HS3ST4: variants seen among roughly 807,000 people sequenced by gnomAD.
HS3ST4 encodes heparan sulfate glucosamine 3-O-sulfotransferase 4.
Under a neutral mutation model 29.2 loss-of-function variants are expected in HS3ST4, and 17 were observed. The observed-to-expected ratio is 0.58, with a 90% CI of 0.40 to 0.87. The LOEUF is 0.87. HS3ST4 is among the 40% of genes least tolerant of loss of function. The pLI, the probability that HS3ST4 is intolerant of heterozygous loss-of-function variation, is 0.00. For missense variants in HS3ST4, 627 were observed against 634.5 expected (o/e 0.99, Z 0.13); for synonymous variants, 314 against 285.7 (o/e 1.10, Z -1.00).
intron 1 of HS3ST4, among the ~76,000 whole-genome samples, chr16:25,854,370 G>A (rs1374645374): frequency 6.6e-6 from 1 of 152,192 alleles, no homozygotes; most frequent in Non-Finnish European, 1.5e-5. Context: ...GTGACTTTAA[G>A]CATGCTAATG....
intron 1 of HS3ST4, among the ~76,000 whole-genome samples, chr16:26,119,336 C>T (rs190543164): frequency 6.6e-6 from 1 of 152,270 alleles, no homozygotes; most frequent in Admixed American, 6.5e-5. Flanking sequence ...CTGTAGACAG[C>T]AAAGTGGCAG....
intron 1 of HS3ST4, among the ~76,000 whole-genome samples, chr16:26,093,093 G>A (rs1455597237): frequency 6.6e-6 from 1 of 152,192 alleles, no homozygotes; most frequent in Non-Finnish European, 1.5e-5. Context: ...CGGGAAGCTT[G>A]AACAGGGAGG....
At chr16:26,083,631 A>T (rs1393544743) in intron 1 of HS3ST4, among the ~76,000 whole-genome samples, 1 of 152,236 alleles carries the variant, frequency 6.6e-6, no homozygotes, top group Non-Finnish European at 1.5e-5. Flanking sequence ...CTTTATTTAT[A>T]AAAGCAGATG....
chr16:26,024,402 G>A (rs1302778303), intron 1 of HS3ST4, among the ~76,000 whole-genome samples: 3 of 152,084 alleles, frequency 2.0e-5, no homozygotes, highest in Non-Finnish European at 4.4e-5. Context: ...AGTCCATGTA[G>A]GAAGAGCACC....
intron 1 of HS3ST4, among the ~76,000 whole-genome samples, chr16:25,731,502 A>G (rs555241987): frequency 6.6e-6 from 1 of 152,016 alleles, no homozygotes; most frequent in South Asian, 2.1e-4. Context: ...CAGCATACTC[A>G]ACTAATTTTT....
chr16:25,701,662 T>C (rs1004198944), intron 1 of HS3ST4, among the ~76,000 whole-genome samples: 6 of 152,322 alleles, frequency 3.9e-5, no homozygotes, highest in South Asian at 4.1e-4. Context: ...GCAGCTGTTA[T>C]TTAGTTATTC....
At chr16:25,864,971 TACTC>T (rs150888150) in intron 1 of HS3ST4, among the ~76,000 whole-genome samples, 2,287 of 128,358 alleles carry the variant, frequency 0.018, 64 homozygotes, top group African/African-American at 0.053. Flanking sequence ...TATACACACA[TACTC>T]ACACACACAT....
At chr16:25,700,900 A>G (rs1442715791) in intron 1 of HS3ST4, among the ~76,000 whole-genome samples, 1 of 152,152 alleles carries the variant, frequency 6.6e-6, no homozygotes, top group African/African-American at 2.4e-5. Context: ...AACCTTATTT[A>G]AGAATATACA....
chr16:25,953,745 A>C (rs114312221), intron 1 of HS3ST4, among the ~76,000 whole-genome samples: 2,270 of 152,264 alleles, frequency 0.015, 61 homozygotes, highest in African/African-American at 0.053. Context: ...GGAGTGAGAA[A>C]GTGAGGCAGG....
chr16:26,103,330 G>C (rs538973646), intron 1 of HS3ST4, among the ~76,000 whole-genome samples: 1 of 152,258 alleles, frequency 6.6e-6, no homozygotes, highest in South Asian at 2.1e-4. Context: ...AGAAGTTGTA[G>C]TGTCTGATGC....
chr16:26,021,534 A>G (rs1376751074), intron 1 of HS3ST4, among the ~76,000 whole-genome samples: 2 of 152,318 alleles, frequency 1.3e-5, no homozygotes, highest in East Asian at 3.9e-4. Flanking sequence ...TCATTCATGA[A>G]TACAACAGAG....
intron 1 of HS3ST4, among the ~76,000 whole-genome samples, chr16:25,851,236 T>G (rs1967518625): frequency 6.6e-6 from 1 of 152,224 alleles, no homozygotes; most frequent in Non-Finnish European, 1.5e-5. Flanking sequence ...CCTGGCGGGT[T>G]GGTCACCATG....
intron 1 of HS3ST4, among the ~76,000 whole-genome samples, chr16:25,698,551 T>A (rs1051671619): frequency 6.6e-6 from 1 of 152,192 alleles, no homozygotes; most frequent in African/African-American, 2.4e-5. Context: ...CTGAGGGTAA[T>A]TGCTTCCTTT....
chr16:26,043,147 G>A (rs1969650568), intron 1 of HS3ST4, among the ~76,000 whole-genome samples: 1 of 152,070 alleles, frequency 6.6e-6, no homozygotes, highest in South Asian at 2.1e-4. Context: ...TTTCAACATT[G>A]TAATTAGACA....
intron 1 of HS3ST4, among the ~76,000 whole-genome samples, chr16:25,883,504 G>C (rs986488028): frequency 3.3e-5 from 5 of 152,166 alleles, no homozygotes; most frequent in Non-Finnish European, 5.9e-5. Context: ...TTTCTGTTTT[G>C]TAATAATCCC....
At chr16:26,005,907 T>C (rs1305013691) in intron 1 of HS3ST4, among the ~76,000 whole-genome samples, 1 of 152,110 alleles carries the variant, frequency 6.6e-6, no homozygotes, top group Non-Finnish European at 1.5e-5. Flanking sequence ...TATAGTAGCA[T>C]CCCCTGCTCC....
intron 1 of HS3ST4, among the ~76,000 whole-genome samples, chr16:25,790,363 C>T (rs766349724): frequency 6.6e-6 from 1 of 152,110 alleles, no homozygotes; most frequent in Admixed American, 6.5e-5. Flanking sequence ...GAGCCGAGAT[C>T]GCACCATTGC....
intron 1 of HS3ST4, among the ~76,000 whole-genome samples, chr16:25,732,832 C>T (rs949967459): frequency 3.3e-5 from 5 of 152,146 alleles, no homozygotes; most frequent in South Asian, 2.1e-4. Flanking sequence ...TCGGACATGT[C>T]GCCCAATCGG....
At chr16:25,818,117 A>G (rs1418127680) in intron 1 of HS3ST4, among the ~76,000 whole-genome samples, 3 of 152,218 alleles carry the variant, frequency 2.0e-5, no homozygotes, top group Non-Finnish European at 4.4e-5. Flanking sequence ...ATGTTTGTAG[A>G]AGGCTTTGGA....
Sources: allele counts gnomAD v4.1 joint callset (sites outside exome capture counted in the v4.1 genomes callset), GRCh38; gene constraint gnomAD v4.1.1; transcripts MANE v1.5; gene names NCBI Gene and HGNC (gene_info 2026-07-23, HGNC 2026-07-21).